Variants in KRT86 observed in about 807,000 individuals in gnomAD.
The protein encoded by KRT86 is keratin 86, also known as keratin, type II cuticular Hb6.
In KRT86, 30 loss-of-function variants were observed where a neutral mutation model predicts 41.2. The ratio of observed to expected loss-of-function variants is 0.73; its 90% confidence interval spans 0.54 to 0.99. The LOEUF (loss-of-function observed/expected upper bound fraction) is 0.99. KRT86 is among the 50% of genes least tolerant of loss of function. The pLI, the probability that KRT86 is intolerant of heterozygous loss-of-function variation, is 0.00. For missense variants in KRT86, 561 were observed against 571.4 expected, an observed-to-expected ratio of 0.98 and a Z score of 0.19; for synonymous variants, 238 against 238.1, an observed-to-expected ratio of 1.00 and a Z score of 0.00.
intron 2 of KRT86, among the ~76,000 whole-genome samples, chr12:52,278,365 G>A (rs1369864327): frequency 6.6e-6 from 1 of 151,754 alleles, no homozygotes; most frequent in East Asian, 1.9e-4. Context: ...CTGCTCTGGG[G>A]TCTCCTGTAG....
At chr12:52,280,666 G>T (rs1476776923) in intron 2 of KRT86, among the ~76,000 whole-genome samples, 1 of 152,228 alleles carries the variant, frequency 6.6e-6, no homozygotes, top group Non-Finnish European at 1.5e-5. Flanking sequence ...GGGGTAGGGG[G>T]CATGACCCCA....
At chr12:52,281,933 G>T (rs11170070) in intron 2 of KRT86, among the ~76,000 whole-genome samples, 2 of 151,952 alleles carry the variant, frequency 1.3e-5, no homozygotes, top group Non-Finnish European at 2.9e-5. Flanking sequence ...TAGAGATGGG[G>T]TCTCACCATA....
chr12:52,286,485 T>G, intron 2 of KRT86: 1 of 1,552,370 alleles, frequency 6.4e-7, no homozygotes. Context: ...CCCCGGGAGC[T>G]GCTGACACCT....
At chr12:52,287,396 C>G in intron 2 of KRT86, 2 of 1,591,050 alleles carry the variant, frequency 1.3e-6, no homozygotes, top group Non-Finnish European at 1.7e-6. Flanking sequence ...TGAGACCACA[C>G]TCCCCACCAA....
intron 9 of KRT86, among the ~76,000 whole-genome samples, chr12:52,307,234 G>C (rs1592441130): frequency 6.6e-6 from 1 of 152,226 alleles, no homozygotes; most frequent in African/African-American, 2.4e-5. Flanking sequence ...AGAGGCAGGG[G>C]TCTGTCTGGC....
intron 2 of KRT86, among the ~76,000 whole-genome samples, chr12:52,284,721 G>A (rs1937870514): frequency 6.6e-6 from 1 of 152,108 alleles, no homozygotes; most frequent in Non-Finnish European, 1.5e-5. Flanking sequence ...GGTAGGGGTG[G>A]GGGACTCCCA....
chr12:52,301,971 G>T lies in KRT86; in HGVS notation c.55G>T (p.Gly19Trp). ...CGCCTTCAGCTGCATCTCGGCCTGC[G>T]GGCCCCGGCCCGGCCGCTGCTGCAT... Reference protein sequence around the residue: ...GRAFSCISACGPRPGRCCITA... With the variant: ...GRAFSCISACWPRPGRCCITA... The change falls in exon 3 of 11, where the codon GGG becomes TGG. Residue 19 changes from glycine to tryptophan, a missense_variant. Coordinates refer to ENST00000423955, the MANE Select transcript of KRT86 (RefSeq NM_001320198.2). 1 of 1,613,584 alleles carries T rather than the reference G, an allele frequency of 6.2e-7. No individual in the cohort carries two copies. The highest frequency in any genetic ancestry group is 2.2e-5 in the East Asian group (1 of 44,864).
intron 9 of KRT86, 70 bp downstream of exon 9, chr12:52,306,350 T>C: frequency 6.2e-7 from 1 of 1,608,366 alleles, no homozygotes; most frequent in South Asian, 1.1e-5. Flanking sequence ...CTCACACTCC[T>C]GGCAGCATTT....
chr12:52,287,832 G>T, intron 2 of KRT86: 4 of 1,605,562 alleles, frequency 2.5e-6, no homozygotes, highest in Non-Finnish European at 3.4e-6. Context: ...AGCCACACAT[G>T]GCAGTCCTGC....
intron 2 of KRT86, chr12:52,291,318 C>T (rs1490837490): frequency 4.5e-6 from 7 of 1,551,198 alleles, no homozygotes; most frequent in East Asian, 2.4e-5. Context: ...CCTCCGCACA[C>T]GCTGTGGCTG....
At chr12:52,286,787 T>G in intron 2 of KRT86, 3 of 1,613,786 alleles carry the variant, frequency 1.9e-6, no homozygotes, top group Non-Finnish European at 2.5e-6. Context: ...CCCCAAATAC[T>G]CACAGACATT....
Position 52,288,443 on chromosome 12 carries a change from G to A in KRT86, c.-5+12497G>A, listed in dbSNP as rs1248908599. 5 of 1,614,022 alleles carry A rather than the reference G, an allele frequency of 3.1e-6. No homozygotes were observed. The Admixed American group carries it at 8.3e-5, about 27-fold the overall frequency. ...CTCCAGGTCTGACTTGCGGAGGTAG[G>A]CGCAGTCCACATCCTGGAAAGGTGG... On this transcript the variant is annotated intron_variant, in intron 2 of 10. Coordinates refer to ENST00000423955, the MANE Select transcript of KRT86 (RefSeq NM_001320198.2).
At chr12:52,304,664 C>T (rs1310711617) in intron 5 of KRT86, among the ~76,000 whole-genome samples, 4 of 151,654 alleles carry the variant, frequency 2.6e-5, no homozygotes, top group Non-Finnish European at 5.9e-5. Context: ...GGGCAGGCTT[C>T]CTGGAGCAGG....
At position 52,274,704 on chromosome 12, in the gene KRT86, C is replaced by G; in HGVS notation, c.-149C>G. 1.0e-6 allele frequency: 1 copy of G among 985,388 alleles called. No individual in the cohort carries two copies. Among genetic ancestry groups the G allele is most frequent in the Non-Finnish European group, 1.2e-6 (1 of 829,946 alleles). 61.0% of individuals were successfully genotyped at this position (985,388 alleles called of 1,614,324 possible). On this transcript the variant is annotated 5_prime_UTR_variant, in exon 1 of 11. Transcript: ENST00000423955. ...GTGCTCAAGAGAGGCTTGGAGGAGA[C>G]CACAGTTCTTTCTCCATGGTGAGAC...
rs758531707 is a variant in KRT86 at position 52,308,617 on chromosome 12, G to C, written c.*32G>C. The C allele has an allele frequency of 3.3e-5, 52 of 1,586,072 alleles. No individual in the cohort carries two copies. Among genetic ancestry groups the C allele is most frequent in the Non-Finnish European group, 4.3e-5 (50 of 1,173,294 alleles). ...GCCGCCTCCGCCAGCGCCTGTCGCC[G>C]TCACTCTCCACCCAGCCAGTACCTC... is the stretch of plus-strand genomic sequence containing the variant. On this transcript the variant is annotated 3_prime_UTR_variant, in exon 11 of 11. Coordinates refer to ENST00000423955, the MANE Select transcript of KRT86 (RefSeq NM_001320198.2).
intron 2 of KRT86, chr12:52,286,928 G>T: frequency 1.3e-6 from 2 of 1,532,888 alleles, no homozygotes; most frequent in Non-Finnish European, 9.0e-7. Flanking sequence ...TAAGAACAGA[G>T]TCTGAGGGAA....
At chr12:52,308,324 G>C in intron 10 of KRT86, 60 bp downstream of exon 10, 38 of 1,613,470 alleles carry the variant, frequency 2.4e-5, no homozygotes, top group Non-Finnish European at 3.2e-5. Context: ...TCTGGGCAAA[G>C]GGCGCGTGGG....
chr12:52,284,595 A>G (rs1937867054), intron 2 of KRT86, among the ~76,000 whole-genome samples: 1 of 152,244 alleles, frequency 6.6e-6, no homozygotes, highest in Non-Finnish European at 1.5e-5. Flanking sequence ...TCAGAATTCC[A>G]TCAGGGGTGG....
Position 52,302,274 on chromosome 12 carries a change from T to C in KRT86, c.358T>C (p.Phe120Leu). 1 of 755,094 alleles carries C rather than the reference T, an allele frequency of 1.3e-6. No homozygotes were observed. Among genetic ancestry groups the C allele is most frequent in the Non-Finnish European group, 1.9e-6 (1 of 513,460 alleles). The allele number at this position is 755,094 out of a possible 1,614,324, so 46.8% of individuals were successfully genotyped here. ...IKSLNSRFAA[F>L]IDKVRFLEQQ... ...GTCCCTCAACAGCAGGTTCGCGGCC[T>C]TCATCGACAAGGTGGGTGTCCTGGA... The change falls in exon 3 of 11, where the codon TTC becomes CTC. Residue 120 changes from phenylalanine to leucine, a missense_variant. Coordinates refer to ENST00000423955, the MANE Select transcript of KRT86 (RefSeq NM_001320198.2).
Sources: allele counts gnomAD v4.1 joint callset (sites outside exome capture counted in the v4.1 genomes callset), GRCh38; gene constraint gnomAD v4.1.1; transcripts MANE v1.5; gene names NCBI Gene and HGNC (gene_info 2026-07-23, HGNC 2026-07-21).